MBNL2: variants seen among roughly 807,000 people sequenced by gnomAD.
MBNL2 encodes the protein muscleblind-like protein 2.
MBNL2 carries 17 observed loss-of-function variants against 41.9 expected under a neutral mutation model. The observed-to-expected ratio is 0.41, with a 90% CI of 0.28 to 0.61. The LOEUF is 0.61. MBNL2 is among the 20% of genes least tolerant of loss of function. The probability of loss-of-function intolerance (pLI) is 0.35; values close to 1 mark genes in which losing one functional copy is unlikely to be tolerated. For missense variants in MBNL2, 336 were observed against 505.6 expected (o/e 0.66, Z 3.22); for synonymous variants, 195 against 182.9 (o/e 1.07, Z -0.53).
chr13:97,253,769 T>TAATAAATTAATAATTAATAA (rs1436888366), intron 1 of MBNL2, among the ~76,000 whole-genome samples: 3 of 144,956 alleles, frequency 2.1e-5, no homozygotes, highest in Non-Finnish European at 4.4e-5. Flanking sequence ...CGTATTAATT[T>TAATAAATTAATAATTAATAA]ATTAATACGT....
At chr13:97,152,156 G>T in the MBNL2 span, among the ~76,000 whole-genome samples, 1 of 152,172 alleles carries the variant, frequency 6.6e-6, no homozygotes, top group East Asian at 1.9e-4. Flanking sequence ...GGAACATTCA[G>T]AACATTCTTG....
At chr13:97,286,447 C>T (rs532115375) in intron 2 of MBNL2, among the ~76,000 whole-genome samples, 17 of 152,330 alleles carry the variant, frequency 1.1e-4, no homozygotes, top group Non-Finnish European at 2.1e-4. Flanking sequence ...CCAGTCCAAA[C>T]CACCATCGTG....
chr13:97,254,037 G>A (rs141466443), intron 1 of MBNL2, among the ~76,000 whole-genome samples: 1 of 152,056 alleles, frequency 6.6e-6, no homozygotes, highest in East Asian at 1.9e-4. Context: ...TTACAGTCAC[G>A]CACCACCATG....
intron 1 of MBNL2, among the ~76,000 whole-genome samples, chr13:97,236,694 G>A (rs1182637026): frequency 6.6e-6 from 1 of 151,930 alleles, no homozygotes; most frequent in African/African-American, 2.4e-5. Flanking sequence ...AGTGGTCTCT[G>A]TTCCCGCCTA....
At chr13:97,209,848 T>G in the MBNL2 span, among the ~76,000 whole-genome samples, 1 of 152,236 alleles carries the variant, frequency 6.6e-6, no homozygotes, top group Non-Finnish European at 1.5e-5. Context: ...CAGGCTGCAG[T>G]GCAGTGGCAC....
chr13:97,214,037 T>C, the MBNL2 span, among the ~76,000 whole-genome samples: 1 of 152,214 alleles, frequency 6.6e-6, no homozygotes. Flanking sequence ...AGTCTTGTGC[T>C]AGAACCCACC....
chr13:97,389,746 T>A (rs2066250441), intron 8 of MBNL2, among the ~76,000 whole-genome samples: 1 of 151,524 alleles, frequency 6.6e-6, no homozygotes, highest in Non-Finnish European at 1.5e-5. Context: ...GAAACTGCAA[T>A]TTTTTTTCCA....
chr13:97,304,441 T>A (rs896898608), intron 2 of MBNL2, among the ~76,000 whole-genome samples: 1 of 152,256 alleles, frequency 6.6e-6, no homozygotes, highest in Non-Finnish European at 1.5e-5. Flanking sequence ...TTTGCTTTTT[T>A]ATTTTTAATT....
chr13:97,251,690 A>T (rs555739870), intron 1 of MBNL2, among the ~76,000 whole-genome samples: 1 of 152,300 alleles, frequency 6.6e-6, no homozygotes, highest in South Asian at 2.1e-4. Flanking sequence ...AATTAGATCA[A>T]TTGGTGAATC....
At chr13:97,339,701 T>C (rs1208955696) in intron 3 of MBNL2, among the ~76,000 whole-genome samples, 4 of 151,978 alleles carry the variant, frequency 2.6e-5, no homozygotes, top group Non-Finnish European at 5.9e-5. Flanking sequence ...CTCGGGAGTT[T>C]AATTTGAATT....
At chr13:97,290,925 A>C (rs578027904) in intron 2 of MBNL2, among the ~76,000 whole-genome samples, 1 of 150,252 alleles carries the variant, frequency 6.7e-6, no homozygotes, top group East Asian at 2.0e-4. Context: ...AAAAGCTCTA[A>C]GCCTGGCTGG....
intron 1 of MBNL2, among the ~76,000 whole-genome samples, chr13:97,269,490 T>A (rs529329997): frequency 1.8e-4 from 27 of 152,276 alleles, no homozygotes; most frequent in Non-Finnish European, 3.5e-4. Context: ...CCTTCCTCCC[T>A]GCTCATCCAG....
the MBNL2 span, among the ~76,000 whole-genome samples, chr13:97,203,088 A>G: frequency 6.6e-6 from 1 of 152,192 alleles, no homozygotes; most frequent in East Asian, 1.9e-4. Flanking sequence ...ATTCACCGAC[A>G]AGGGCTGTGC....
intron 2 of MBNL2, among the ~76,000 whole-genome samples, chr13:97,305,360 G>A (rs1452569338): frequency 6.6e-6 from 1 of 152,210 alleles, no homozygotes; most frequent in African/African-American, 2.4e-5. Flanking sequence ...AGGTACACAT[G>A]TATCAGATGA....
At chr13:97,305,769 A>AAAACAAAC (rs34331229) in intron 2 of MBNL2, among the ~76,000 whole-genome samples, 27 of 150,876 alleles carry the variant, frequency 1.8e-4, no homozygotes, top group Non-Finnish European at 3.5e-4. Flanking sequence ...ACCCCGTCTC[A>AAAACAAAC]AAACAAACAA....
At chr13:97,250,088 A>G (rs952645610) in intron 1 of MBNL2, among the ~76,000 whole-genome samples, 2 of 151,962 alleles carry the variant, frequency 1.3e-5, no homozygotes, top group Middle Eastern at 3.2e-3. Context: ...GCTTTTAATT[A>G]TTGCTTCTAT....
chr13:97,325,799 C>T (rs1387500372), intron 2 of MBNL2, among the ~76,000 whole-genome samples: 1 of 152,168 alleles, frequency 6.6e-6, no homozygotes, highest in Non-Finnish European at 1.5e-5. Context: ...AACAATTCAC[C>T]TACTTTGCCT....
intron 2 of MBNL2, among the ~76,000 whole-genome samples, chr13:97,330,657 C>T (rs1349826041): frequency 6.6e-6 from 1 of 152,214 alleles, no homozygotes; most frequent in East Asian, 1.9e-4. Context: ...CTGCACACTG[C>T]CCTGTACCAT....
intron 1 of MBNL2, among the ~76,000 whole-genome samples, chr13:97,250,428 T>C (rs186419898): frequency 1.3e-5 from 2 of 152,312 alleles, no homozygotes; most frequent in Admixed American, 1.3e-4. Flanking sequence ...CAGTCTGCCT[T>C]TTCCCCATCT....
Sources: gnomAD v4.1 joint callset for allele counts (sites outside exome capture counted in the v4.1 genomes callset) on GRCh38, gnomAD v4.1.1 for gene constraint, MANE v1.5 for transcripts, NCBI Gene and HGNC (gene_info 2026-07-23, HGNC 2026-07-21) for gene names.